The following NEGR1 variants were observed in gnomAD, a reference collection of about 807,000 sequenced individuals.
The protein encoded by NEGR1 is IgLON family member 4.
Under a neutral mutation model 40.9 loss-of-function variants are expected in NEGR1, and 10 were observed. The observed-to-expected ratio is 0.24, with a 90% CI of 0.15 to 0.42. The LOEUF (loss-of-function observed/expected upper bound fraction) is 0.42. Ranked by LOEUF, NEGR1 falls within the 10% of genes least tolerant of loss-of-function variation. NEGR1 has a pLI of 1.00. For synonymous variants in NEGR1, 185 were observed against 166.8 expected, an observed-to-expected ratio of 1.11 and a Z score of -0.84; for missense variants, 352 against 438.9, an observed-to-expected ratio of 0.80 and a Z score of 1.77.
chr1:71,705,150 T>A (rs1196240958), intron 3 of NEGR1, among the ~76,000 whole-genome samples: 1 of 152,150 alleles, frequency 6.6e-6, no homozygotes, highest in South Asian at 2.1e-4. Context: ...TCTGACCTCA[T>A]GCTTAATGAT....
At chr1:71,554,834 T>A (rs1368047826) in intron 6 of NEGR1, among the ~76,000 whole-genome samples, 1 of 151,482 alleles carries the variant, frequency 6.6e-6, no homozygotes, top group Non-Finnish European at 1.5e-5. Context: ...GGTAGAGCCT[T>A]CTGGAAGATT....
intron 1 of NEGR1, among the ~76,000 whole-genome samples, chr1:71,971,688 A>G (rs1323699835): frequency 6.6e-6 from 1 of 152,228 alleles, no homozygotes; most frequent in Non-Finnish European, 1.5e-5. Context: ...TATCCATGCC[A>G]CATTCCACAA....
chr1:72,243,576 C>T (rs1654815402), intron 1 of NEGR1, among the ~76,000 whole-genome samples: 1 of 151,868 alleles, frequency 6.6e-6, no homozygotes, highest in Non-Finnish European at 1.5e-5. Flanking sequence ...CATTTCTGTG[C>T]TCCTGTCCAA....
intron 1 of NEGR1, among the ~76,000 whole-genome samples, chr1:72,107,737 T>C (rs551227009): frequency 6.6e-5 from 10 of 151,482 alleles, no homozygotes; most frequent in Admixed American, 5.9e-4. Flanking sequence ...TATGTACATA[T>C]ATATGTATGT....
chr1:71,928,057 TATACACAC>T lies in NEGR1; in HGVS notation c.409+7014_409+7021del, dbSNP rs1381038994. Among the ~76,000 whole-genome samples the T allele has an allele frequency of 7.4e-4, 69 of 93,108 alleles. 2 individuals are homozygous for T. Among genetic ancestry groups the T allele is most frequent in the Admixed American group, 1.2e-3 (7 of 5,982 alleles). The allele number at this position is 93,108 out of a possible 152,430, so 61.1% of individuals were successfully genotyped here. Reference sequence around the variant, plus strand: ...ACACACACACACACACACGTATATATATACACACACACATATGTACATATATGTATATA... The same window carrying T: ...ACACACACACACACACACGTATATATACACATATGTACATATATGTATATA... On this transcript the variant is annotated intron_variant, in intron 2 of 6. Transcript: ENST00000357731.
At position 71,728,997 on chromosome 1, in the gene NEGR1, A is replaced by G. The variant is rs571342609; in HGVS notation, c.536-30858T>C. 3.3e-4 allele frequency among the ~76,000 whole-genome samples: 50 copies of G among 151,060 alleles called. No homozygotes were observed. In the South Asian group the frequency reaches 0.01, roughly 31 times the overall value. ...GACAGAAGAACATGATAGAGAAGAAATGGAAACTTTTTTTTTACCACGGCT... is the reference window on the plus strand; with the variant it reads ...GACAGAAGAACATGATAGAGAAGAAGTGGAAACTTTTTTTTTACCACGGCT... On this transcript the variant is annotated intron_variant, in intron 3 of 6. Coordinates refer to ENST00000357731, the MANE Select transcript of NEGR1 (RefSeq NM_173808.3).
chr1:71,673,181 G>C (rs953482452), intron 4 of NEGR1, among the ~76,000 whole-genome samples: 1 of 152,066 alleles, frequency 6.6e-6, no homozygotes, highest in Non-Finnish European at 1.5e-5. Context: ...AGAGCTTGCA[G>C]TGAACCAAGA....
chr1:71,647,189 C>A (rs1651560462), intron 4 of NEGR1, among the ~76,000 whole-genome samples: 1 of 151,740 alleles, frequency 6.6e-6, no homozygotes, highest in Non-Finnish European at 1.5e-5. Context: ...CAGCCCTGAG[C>A]CTAACCCACA....
At chr1:71,677,494 T>C (rs1320489533) in intron 4 of NEGR1, among the ~76,000 whole-genome samples, 1 of 152,124 alleles carries the variant, frequency 6.6e-6, no homozygotes, top group Non-Finnish European at 1.5e-5. Flanking sequence ...CATTGGGTTC[T>C]TGTGTAAAGT....
At chr1:71,455,476 C>T (rs759278289) in intron 6 of NEGR1, among the ~76,000 whole-genome samples, 2 of 152,164 alleles carry the variant, frequency 1.3e-5, no homozygotes, top group Admixed American at 6.5e-5. Context: ...CCTGTAATCT[C>T]GGCACTTTGG....
At chr1:72,051,756 C>T (rs1009750796) in intron 1 of NEGR1, among the ~76,000 whole-genome samples, 2 of 151,388 alleles carry the variant, frequency 1.3e-5, no homozygotes, top group Admixed American at 1.3e-4. Flanking sequence ...TCTAAGCTGT[C>T]ATATAATGGC....
intron 1 of NEGR1, among the ~76,000 whole-genome samples, chr1:72,233,131 G>A (rs750496440): frequency 6.6e-6 from 1 of 152,028 alleles, no homozygotes; most frequent in African/African-American, 2.4e-5. Flanking sequence ...CTATACCCAA[G>A]GAAATGAAAA....
At chr1:71,426,461 C>T (rs1375117915) in intron 6 of NEGR1, among the ~76,000 whole-genome samples, 1 of 152,140 alleles carries the variant, frequency 6.6e-6, no homozygotes, top group African/African-American at 2.4e-5. Context: ...TTAAAAGTCA[C>T]GATGACAAAT....
intron 6 of NEGR1, among the ~76,000 whole-genome samples, chr1:71,448,885 G>C (rs538550690): frequency 6.6e-6 from 1 of 152,158 alleles, no homozygotes; most frequent in Non-Finnish European, 1.5e-5. Flanking sequence ...AAGGGGCATA[G>C]GATAAAATCT....
At chr1:71,823,311 A>T (rs1190258254) in intron 2 of NEGR1, among the ~76,000 whole-genome samples, 3 of 151,250 alleles carry the variant, frequency 2.0e-5, no homozygotes, top group African/African-American at 7.3e-5. Flanking sequence ...ATAAGGTGTG[A>T]TCTAAATATG....
At position 71,404,541 on chromosome 1, in the gene NEGR1, C is replaced by G. The variant is rs1017523049; in HGVS notation, c.*2905G>C. On this transcript the variant is annotated 3_prime_UTR_variant, in exon 7 of 7. Coordinates refer to ENST00000357731, the MANE Select transcript of NEGR1 (RefSeq NM_173808.3). The stretch of plus-strand genomic sequence containing the variant: ...CTTCCCTCTCATCCTTTCTTTCTTC[C>G]TACCTTCTCCCCTTCCTCCCTTCCT... The G allele has an allele frequency of 3.3e-5, 5 of 151,406 alleles. No individual in the cohort carries two copies. The highest frequency in any genetic ancestry group is 9.7e-5 in the African/African-American group (4 of 41,280). The allele number at this position is 151,406 out of a possible 1,614,324, so 9.4% of individuals were successfully genotyped here.
chr1:71,671,572 A>G (rs1238102104), intron 4 of NEGR1, among the ~76,000 whole-genome samples: 2 of 152,198 alleles, frequency 1.3e-5, no homozygotes, highest in East Asian at 3.9e-4. Flanking sequence ...TTTCCAGGTT[A>G]TTGTTCATAA....
chr1:71,544,242 T>C (rs1227970143), intron 6 of NEGR1, among the ~76,000 whole-genome samples: 4 of 151,742 alleles, frequency 2.6e-5, no homozygotes, highest in Non-Finnish European at 4.4e-5. Flanking sequence ...GCTAAATTAA[T>C]ATTAGTTTTG....
intron 1 of NEGR1, among the ~76,000 whole-genome samples, chr1:72,163,276 A>G (rs1033930506): frequency 6.6e-6 from 1 of 152,176 alleles, no homozygotes; most frequent in Non-Finnish European, 1.5e-5. Context: ...AAGTGATAAA[A>G]TACAAATCCA....
Sources: allele counts gnomAD v4.1 joint callset (sites outside exome capture counted in the v4.1 genomes callset), GRCh38; gene constraint gnomAD v4.1.1; transcripts MANE v1.5; gene names NCBI Gene and HGNC (gene_info 2026-07-23, HGNC 2026-07-21).